FOXP2: variants seen among roughly 807,000 people sequenced by gnomAD.
The protein encoded by FOXP2 is forkhead box protein P2.
In FOXP2, 12 loss-of-function variants were observed where a neutral mutation model predicts 115.8. The ratio of observed to expected loss-of-function variants is 0.10; its 90% CI spans 0.07 to 0.17. FOXP2 has a LOEUF of 0.17. FOXP2 is among the 10% of genes least tolerant of loss of function. The pLI, the probability that FOXP2 is intolerant of heterozygous loss-of-function variation, is 1.00. For synonymous variants in FOXP2, 328 were observed against 297.7 expected (o/e 1.10, Z -1.05); for missense variants, 629 against 843.5 (o/e 0.75, Z 3.15).
chr7:114,386,318 G>A (rs1792451576), intron 2 of FOXP2, among the ~76,000 whole-genome samples: 1 of 152,136 alleles, frequency 6.6e-6, no homozygotes, highest in Non-Finnish European at 1.5e-5. Context: ...GCTGTTATGG[G>A]TTTTTTAAAG....
At chr7:114,097,189 A>AT (rs1799671394) in intron 1 of FOXP2, among the ~76,000 whole-genome samples, 1 of 152,044 alleles carries the variant, frequency 6.6e-6, no homozygotes, top group African/African-American at 2.4e-5. Flanking sequence ...ACAGTTCTTT[A>AT]TTTTTTGACA....
At chr7:114,567,081 G>A (rs934531694) in intron 3 of FOXP2, among the ~76,000 whole-genome samples, 1 of 152,000 alleles carries the variant, frequency 6.6e-6, no homozygotes, top group African/African-American at 2.4e-5. Context: ...GTATCATGAA[G>A]TCTACTGATA....
chr7:114,097,651 T>C (rs1799680513), intron 1 of FOXP2, among the ~76,000 whole-genome samples: 1 of 152,190 alleles, frequency 6.6e-6, no homozygotes, highest in Non-Finnish European at 1.5e-5. Context: ...GTCTTCACCA[T>C]AGTTCTCCAC....
chr7:114,605,884 C>T (rs1803293295), intron 3 of FOXP2, among the ~76,000 whole-genome samples: 1 of 152,022 alleles, frequency 6.6e-6, no homozygotes, highest in Admixed American at 6.6e-5. Context: ...GGGTAGTGGC[C>T]TAAAGAGATT....
chr7:114,233,820 CT>C (rs1488315544), intron 1 of FOXP2, among the ~76,000 whole-genome samples: 1 of 152,128 alleles, frequency 6.6e-6, no homozygotes, highest in Non-Finnish European at 1.5e-5. Context: ...TGAGACCAGC[CT>C]GATCAACATG....
intron 1 of FOXP2, among the ~76,000 whole-genome samples, chr7:114,145,623 G>C (rs1376457718): frequency 6.6e-6 from 1 of 151,830 alleles, no homozygotes. Flanking sequence ...GAGTAGCTGG[G>C]ATTACAGGCG....
intron 1 of FOXP2, among the ~76,000 whole-genome samples, chr7:114,282,390 G>T (rs1796362111): frequency 6.6e-6 from 1 of 152,050 alleles, no homozygotes; most frequent in Non-Finnish European, 1.5e-5. Flanking sequence ...AAATATAATT[G>T]ATTTTGCTCC....
chr7:114,637,157 C>A (rs1199801540), intron 6 of FOXP2, among the ~76,000 whole-genome samples: 4 of 152,040 alleles, frequency 2.6e-5, no homozygotes, highest in Admixed American at 6.6e-5. Context: ...TCCAGCGAGA[C>A]CATGTCTTAA....
chr7:114,480,355 A>C (rs943384098), intron 2 of FOXP2, among the ~76,000 whole-genome samples: 1 of 151,674 alleles, frequency 6.6e-6, no homozygotes, highest in South Asian at 2.1e-4. Context: ...AAACAAAATC[A>C]CTACTGGAAA....
In FOXP2 at chr7:114,331,660, C is replaced by CT. The variant is rs112494928; in HGVS notation, c.-11+43564dup. On this transcript the variant is annotated intron_variant, in intron 2 of 17. Transcript: ENST00000634411. The stretch of plus-strand genomic sequence containing the variant: ...GCATGAAGTCCTTTTCTGACATTTT[C>CT]TTTTTTTTTTTTTCTTTTGTTTTTA... Among the ~76,000 whole-genome samples the CT allele has an allele frequency of 2.6e-3, 373 of 142,952 alleles. 1 individual carries two copies. Among genetic ancestry groups the CT allele is most frequent in the East Asian group, 9.6e-3 (47 of 4,888 alleles). 93.8% of individuals were successfully genotyped at this position (142,952 alleles called of 152,430 possible).
intron 2 of FOXP2, among the ~76,000 whole-genome samples, chr7:114,311,696 T>A (rs1164459157): frequency 6.6e-6 from 1 of 151,918 alleles, no homozygotes; most frequent in Non-Finnish European, 1.5e-5. Context: ...AGGGGAGGGG[T>A]ACATGATAGT....
chr7:114,241,646 G>A (rs748534755), intron 1 of FOXP2, among the ~76,000 whole-genome samples: 5 of 151,914 alleles, frequency 3.3e-5, no homozygotes, highest in Non-Finnish European at 5.9e-5. Flanking sequence ...AAAATATGTG[G>A]TGAACTCAAG....
At chr7:114,305,755 T>G (rs1462279799) in intron 2 of FOXP2, among the ~76,000 whole-genome samples, 1 of 152,148 alleles carries the variant, frequency 6.6e-6, no homozygotes, top group African/African-American at 2.4e-5. Flanking sequence ...TTTACTGTGT[T>G]TGCTCTGTGC....
intron 2 of FOXP2, among the ~76,000 whole-genome samples, chr7:114,528,282 A>G (rs957694635): frequency 2.6e-5 from 4 of 152,052 alleles, no homozygotes; most frequent in Non-Finnish European, 5.9e-5. Flanking sequence ...CCCAAATATT[A>G]TATCCTCCAT....
chr7:114,382,298 T>A (rs996470165), intron 2 of FOXP2, among the ~76,000 whole-genome samples: 2 of 152,146 alleles, frequency 1.3e-5, no homozygotes, highest in Non-Finnish European at 2.9e-5. Context: ...TCTGTGAGGG[T>A]GATGGCATGG....
At chr7:114,476,235 A>G (rs924321437) in intron 2 of FOXP2, among the ~76,000 whole-genome samples, 1 of 151,350 alleles carries the variant, frequency 6.6e-6, no homozygotes, top group African/African-American at 2.4e-5. Context: ...GTTGTCTTAT[A>G]GGATTTTTGT....
At chr7:114,185,996 A>C (rs1428028682) in intron 1 of FOXP2, among the ~76,000 whole-genome samples, 1 of 152,030 alleles carries the variant, frequency 6.6e-6, no homozygotes, top group Non-Finnish European at 1.5e-5. Context: ...AAAGAGAAAG[A>C]GAAAAAGGAG....
intron 2 of FOXP2, among the ~76,000 whole-genome samples, chr7:114,394,345 T>G (rs1450331684): frequency 6.6e-6 from 1 of 151,856 alleles, no homozygotes; most frequent in Non-Finnish European, 1.5e-5. Flanking sequence ...AAATTCATTA[T>G]AAAGTAAATA....
At chr7:114,305,134 C>T (rs796732571) in intron 2 of FOXP2, among the ~76,000 whole-genome samples, 28 of 152,140 alleles carry the variant, frequency 1.8e-4, no homozygotes, top group African/African-American at 6.7e-4. Context: ...TGTTTAATTA[C>T]CAAAAGGTAT....
Sources: allele counts gnomAD v4.1 joint callset (sites outside exome capture counted in the v4.1 genomes callset), GRCh38; gene constraint gnomAD v4.1.1; transcripts MANE v1.5; gene names NCBI Gene and HGNC (gene_info 2026-07-23, HGNC 2026-07-21).